Variants in GLDN observed in about 807,000 individuals in gnomAD.
GLDN encodes the protein gliomedin.
In GLDN, 47 loss-of-function variants were observed where a neutral mutation model predicts 56.5. The observed-to-expected ratio is 0.83, with a 90% CI of 0.66 to 1.06. GLDN has a LOEUF of 1.06. Ranked by LOEUF, GLDN falls within the 50% of genes least tolerant of loss-of-function variation. The pLI is 0.00. For missense variants in GLDN, 782 were observed against 714.3 expected (o/e 1.09, Z -1.08); for synonymous variants, 332 against 278.8 (o/e 1.19, Z -1.90).
intron 4 of GLDN, among the ~76,000 whole-genome samples, chr15:51,392,938 G>A (rs1366758187): frequency 6.6e-6 from 1 of 152,092 alleles, no homozygotes; most frequent in Non-Finnish European, 1.5e-5. Context: ...TTATTGCACT[G>A]GCTAGGACCT....
At chr15:51,367,419 C>A (rs2037427455) in intron 1 of GLDN, 1 of 152,248 alleles carries the variant, frequency 6.6e-6, no homozygotes, top group Non-Finnish European at 1.5e-5. Context: ...ACTGCCGTAG[C>A]CCTTGCGTGC....
chr15:51,378,167 T>C (rs1276615556), intron 2 of GLDN, among the ~76,000 whole-genome samples: 1 of 152,150 alleles, frequency 6.6e-6, no homozygotes, highest in Non-Finnish European at 1.5e-5. Flanking sequence ...CCTGTGAGTA[T>C]ATGGGTATGT....
chr15:51,372,552 G>T (rs528052331), intron 1 of GLDN, among the ~76,000 whole-genome samples: 1 of 152,160 alleles, frequency 6.6e-6, no homozygotes, highest in South Asian at 2.1e-4. Flanking sequence ...ACAGCCCATC[G>T]TTCCCACTAA....
chr15:51,347,605 T>G (rs118154782), intron 1 of GLDN, among the ~76,000 whole-genome samples: 3,221 of 152,328 alleles, frequency 0.021, 51 homozygotes, highest in Non-Finnish European at 0.033. Flanking sequence ...GAAACAGACA[T>G]GCTCTTGCAT....
chr15:51,382,533 C>G (rs2037785532), intron 2 of GLDN, among the ~76,000 whole-genome samples: 1 of 151,394 alleles, frequency 6.6e-6, no homozygotes, highest in African/African-American at 2.4e-5. Flanking sequence ...TTGGCTAACA[C>G]AGTGAAACCC....
intron 1 of GLDN, among the ~76,000 whole-genome samples, chr15:51,376,609 T>C (rs1322397126): frequency 6.6e-6 from 1 of 152,270 alleles, no homozygotes; most frequent in African/African-American, 2.4e-5. Flanking sequence ...TTTTAATGTC[T>C]TTTACTTTTT....
chr15:51,394,060 C>T (rs2038074146), intron 4 of GLDN, among the ~76,000 whole-genome samples: 1 of 152,202 alleles, frequency 6.6e-6, no homozygotes, highest in African/African-American at 2.4e-5. Context: ...CTGTTATAAC[C>T]ACTGTAGGCC....
Position 51,394,815 on chromosome 15 carries a change from T to C in GLDN, c.542-20T>C. On this transcript the variant is annotated intron_variant, in intron 4 of 9. Coordinates refer to ENST00000335449, the MANE Select transcript of GLDN (RefSeq NM_181789.4). ...ACTTTTTGCACCATAGGCTAATATG[T>C]CTTTTGTTTTTTTGGTCAGGGATAC... 6.2e-7 allele frequency: 1 copy of C among 1,613,694 alleles called. No homozygotes were observed. The highest frequency in any genetic ancestry group is 8.5e-7 in the Non-Finnish European group (1 of 1,179,810).
chr15:51,378,278 T>C (rs2037679453), intron 2 of GLDN, among the ~76,000 whole-genome samples: 1 of 152,200 alleles, frequency 6.6e-6, no homozygotes, highest in Non-Finnish European at 1.5e-5. Context: ...AAAACTATAA[T>C]TCTGTGACTT....
At chr15:51,348,832 A>G (rs1417270762) in intron 1 of GLDN, among the ~76,000 whole-genome samples, 1 of 152,224 alleles carries the variant, frequency 6.6e-6, no homozygotes, top group African/African-American at 2.4e-5. Context: ...CTCATCTCAG[A>G]ATCATGAGTG....
chr15:51,342,469 G>A (rs2036904376), intron 1 of GLDN, among the ~76,000 whole-genome samples: 1 of 152,212 alleles, frequency 6.6e-6, no homozygotes, highest in Non-Finnish European at 1.5e-5. Context: ...CTGAAAGAGC[G>A]TAGGCTTTTT....
intron 1 of GLDN, among the ~76,000 whole-genome samples, chr15:51,354,677 G>A (rs1226718902): frequency 6.6e-6 from 1 of 152,192 alleles, no homozygotes; most frequent in Admixed American, 6.5e-5. Context: ...CTGTACTGGA[G>A]AGTTTGGAGT....
chr15:51,412,437 A>T (rs2038476892), downstream of GLDN, among the ~76,000 whole-genome samples: 1 of 152,214 alleles, frequency 6.6e-6, no homozygotes, highest in South Asian at 2.1e-4. Flanking sequence ...CTGACAAGGT[A>T]ATGTGAGGTT....
intron 1 of GLDN, among the ~76,000 whole-genome samples, chr15:51,362,684 T>C (rs1741328160): frequency 1.3e-5 from 2 of 152,098 alleles, no homozygotes; most frequent in Admixed American, 1.3e-4. Flanking sequence ...TCACTCTGAC[T>C]TCTCAATGAT....
intron 2 of GLDN, among the ~76,000 whole-genome samples, chr15:51,381,906 C>T (rs1316439830): frequency 6.6e-6 from 1 of 152,110 alleles, no homozygotes; most frequent in East Asian, 1.9e-4. Flanking sequence ...GCTTTCACAG[C>T]ATCATCCCCC....
chr15:51,365,989 T>C (rs16964299), intron 1 of GLDN, among the ~76,000 whole-genome samples: 17,743 of 152,240 alleles, frequency 0.12, 1,964 homozygotes, highest in African/African-American at 0.29. Context: ...GACTCACAAA[T>C]AGGCAATTCG....
At chr15:51,354,771 A>G (rs2037142708) in intron 1 of GLDN, among the ~76,000 whole-genome samples, 1 of 152,154 alleles carries the variant, frequency 6.6e-6, no homozygotes. Context: ...CCTAATGAGG[A>G]ATTGGGAGCC....
chr15:51,409,841 A>G (rs141253832), downstream of GLDN, among the ~76,000 whole-genome samples: 50 of 152,358 alleles, frequency 3.3e-4, no homozygotes, highest in East Asian at 9.1e-3. Context: ...CACCGCTTCC[A>G]AAGATTGGAT....
intron 1 of GLDN, among the ~76,000 whole-genome samples, chr15:51,366,031 G>C (rs577847218): frequency 6.6e-6 from 1 of 152,176 alleles, no homozygotes; most frequent in Non-Finnish European, 1.5e-5. Flanking sequence ...ATAAAGTAAG[G>C]GCAAGGATGT....
Sources: allele counts gnomAD v4.1 joint callset (sites outside exome capture counted in the v4.1 genomes callset), GRCh38; gene constraint gnomAD v4.1.1; transcripts MANE v1.5; gene names NCBI Gene and HGNC (gene_info 2026-07-23, HGNC 2026-07-21).